FAM47E: variants seen among roughly 807,000 people sequenced by gnomAD.
FAM47E encodes the protein family with sequence similarity 47 member E, also known as protein FAM47E.
FAM47E carries 32 observed loss-of-function variants against 41.6 expected under a neutral mutation model. That is an observed-to-expected ratio of 0.77 (90% CI 0.58 to 1.03). The LOEUF is 1.03. Among genes scored for constraint, FAM47E ranks in the 50% least tolerant of loss-of-function variants. FAM47E has a pLI of 0.00. For missense variants in FAM47E, 424 were observed against 485.4 expected (o/e 0.87, Z 1.19); for synonymous variants, 184 against 188.7 (o/e 0.98, Z 0.20).
At chr4:76,271,949 T>C (rs1734910653) in intron 5 of FAM47E, among the ~76,000 whole-genome samples, 181 bp downstream of exon 5, 1 of 152,246 alleles carries the variant, frequency 6.6e-6, no homozygotes, top group Non-Finnish European at 1.5e-5. Context: ...AAGTCAGTTA[T>C]ACAAATGAGG....
chr4:76,228,360 T>C (rs973558536), intron 2 of FAM47E, among the ~76,000 whole-genome samples: 1 of 151,712 alleles, frequency 6.6e-6, no homozygotes. Flanking sequence ...ATGCCTGTAA[T>C]CCCAGCTACT....
At chr4:76,249,337 ATTTG>A (rs750411556), upstream of FAM47E, among the ~76,000 whole-genome samples, 1 of 152,124 alleles carries the variant, frequency 6.6e-6, no homozygotes, top group Non-Finnish European at 1.5e-5. Flanking sequence ...TTTATTTATT[ATTTG>A]TTTGTTTATT....
chr4:76,238,966 T>G (rs915128294), intron 2 of FAM47E, among the ~76,000 whole-genome samples: 1 of 152,200 alleles, frequency 6.6e-6, no homozygotes, highest in African/African-American at 2.4e-5. Flanking sequence ...TCTAAGTACC[T>G]CATATAGGTG....
chr4:76,262,317 A>G (rs1200908709), intron 2 of FAM47E, among the ~76,000 whole-genome samples: 2 of 152,220 alleles, frequency 1.3e-5, no homozygotes, highest in Non-Finnish European at 2.9e-5. Context: ...ATGATCATAA[A>G]TGCCTGCCAG....
intron 3 of FAM47E, among the ~76,000 whole-genome samples, chr4:76,265,905 C>T (rs1255196522): frequency 1.3e-5 from 2 of 152,152 alleles, no homozygotes; most frequent in Non-Finnish European, 2.9e-5. Flanking sequence ...TCTGTCCTTT[C>T]CTTTAGAGCA....
intron 6 of FAM47E, chr4:76,279,473 A>G (rs770261615): frequency 6.6e-6 from 1 of 152,366 alleles, no homozygotes; most frequent in East Asian, 1.9e-4. Context: ...ACAGTGAGCT[A>G]ATAAAGTAGC....
intron 2 of FAM47E, among the ~76,000 whole-genome samples, chr4:76,226,651 G>A (rs1467516099): frequency 6.6e-6 from 1 of 152,134 alleles, no homozygotes; most frequent in Non-Finnish European, 1.5e-5. Context: ...CGTTATGTCA[G>A]ACAAACAAGC....
rs143969036 is a variant in FAM47E, at chr4:76,258,683, C to T, written c.420+2160C>T. Among the ~76,000 whole-genome samples the T allele has an allele frequency of 5.9e-4, 90 of 152,254 alleles. 1 individual carries two copies. Among genetic ancestry groups the T allele is most frequent in the African/African-American group, 2.0e-3 (82 of 41,554 alleles). On this transcript the variant is annotated intron_variant, in intron 2 of 7. Coordinates refer to ENST00000424749, the MANE Select transcript of FAM47E (RefSeq NM_001136570.3). ...AAGACATAGTCCCAAACATCATAATCGTGAATGTTGAGATCCCCAAAGTCT... is the reference window on the plus strand; with the variant it reads ...AAGACATAGTCCCAAACATCATAATTGTGAATGTTGAGATCCCCAAAGTCT...
chr4:76,214,172 G>C (rs1733150596), exon 1 of FAM47E: 1 of 452,636 alleles, frequency 2.2e-6, no homozygotes, highest in Non-Finnish European at 4.4e-6. Context: ...AAGGTGGCTG[G>C]GACATTCCCC....
At chr4:76,274,952 G>T (rs2110023557) in intron 5 of FAM47E, among the ~76,000 whole-genome samples, 1 of 152,262 alleles carries the variant, frequency 6.6e-6, no homozygotes, top group East Asian at 1.9e-4. Context: ...CTCCTCCTGG[G>T]CTCTCCCTGA....
rs1735210207 is a variant in FAM47E at position 76,278,241 on chromosome 4, AGATTTGATCATCTG to A, written c.1026+18_1026+31del. 2 of 1,503,150 alleles carry A rather than the reference AGATTTGATCATCTG, an allele frequency of 1.3e-6. No homozygotes were observed. Among genetic ancestry groups the A allele is most frequent in the African/African-American group, 2.8e-5 (2 of 70,650 alleles). 93.1% of individuals were successfully genotyped at this position (1,503,150 alleles called of 1,614,324 possible). Reference sequence around the variant, plus strand: ...CAGGAACAGGTATGTATTTATACTGAGATTTGATCATCTGAGCTTCAGATGATCACAGTGCATCT... The same window carrying A: ...CAGGAACAGGTATGTATTTATACTGAAGCTTCAGATGATCACAGTGCATCT... On this transcript the variant is annotated intron_variant, in intron 6 of 7. Coordinates refer to ENST00000424749, the MANE Select transcript of FAM47E (RefSeq NM_001136570.3).
At chr4:76,260,038 A>G (rs935256707) in intron 2 of FAM47E, among the ~76,000 whole-genome samples, 6 of 152,230 alleles carry the variant, frequency 3.9e-5, no homozygotes, top group Non-Finnish European at 8.8e-5. Context: ...GGGGAACTAC[A>G]AAACACTGAT....
Position 76,235,687 on chromosome 4 carries a change from A to C in FAM47E, c.81+17999A>C, listed in dbSNP as rs72858541. Among the ~76,000 whole-genome samples the C allele has an allele frequency of 9.5e-3, 1,447 of 152,332 alleles. 25 individuals carry two copies. The highest frequency in any genetic ancestry group is 0.033 in the African/African-American group (1,372 of 41,576). On this transcript the variant is annotated intron_variant, in intron 2 of 7. Transcript: ENST00000510197. ...GGTGTTTTTCATTCTCATATTACCA[A>C]CTTAAGACCATATGCTGCTGTTTCA...
chr4:76,274,380 C>T (rs116160938), intron 5 of FAM47E, among the ~76,000 whole-genome samples: 186 of 151,712 alleles, frequency 1.2e-3, no homozygotes, highest in Middle Eastern at 6.8e-3. Context: ...AAGATCAGTT[C>T]GGGCAACATA....
At chr4:76,240,214 A>T (rs779848688) in intron 2 of FAM47E, among the ~76,000 whole-genome samples, 1 of 152,212 alleles carries the variant, frequency 6.6e-6, no homozygotes, top group Non-Finnish European at 1.5e-5. Flanking sequence ...TTAGCACTTT[A>T]TATCAGCCTA....
intron 7 of FAM47E, 72 bp downstream of exon 7, chr4:76,280,413 T>G: frequency 2.2e-6 from 2 of 895,978 alleles, no homozygotes; most frequent in Non-Finnish European, 1.7e-6. Flanking sequence ...GGGAAGAGGT[T>G]ATGACCCTGA....
intron 1 of FAM47E, among the ~76,000 whole-genome samples, chr4:76,214,930 T>C (rs972014155): frequency 2.0e-5 from 3 of 152,020 alleles, no homozygotes; most frequent in African/African-American, 7.2e-5. Context: ...GGAAGGAAGG[T>C]TGGGTGGAAG....
In FAM47E at chr4:76,251,797, C is replaced by G; in HGVS notation, c.51C>G (p.Arg17=). The G allele has an allele frequency of 6.7e-7, 1 of 1,488,822 alleles. No individual in the cohort carries two copies. The highest frequency in any genetic ancestry group is 8.9e-7 in the Non-Finnish European group (1 of 1,125,570). 92.2% of individuals were successfully genotyped at this position (1,488,822 alleles called of 1,614,324 possible). ...GGCCGGGGACGTTGGCCCCGGTGCGCGAGGGCGTGAACTGCAGGTCCAGGT... is the reference window on the plus strand; with the variant it reads ...GGCCGGGGACGTTGGCCCCGGTGCGGGAGGGCGTGAACTGCAGGTCCAGGT... ...RLRPGTLAPV[R]EGVNCRSRCF... Residue 17 remains arginine, a synonymous_variant, in exon 1 of 8, where the codon CGC becomes CGG. Coordinates refer to ENST00000424749, the MANE Select transcript of FAM47E (RefSeq NM_001136570.3).
At chr4:76,224,306 C>T (rs554543337) in intron 2 of FAM47E, among the ~76,000 whole-genome samples, 1 of 152,286 alleles carries the variant, frequency 6.6e-6, no homozygotes, top group African/African-American at 2.4e-5. Context: ...AATAAAACTT[C>T]TCATATCTTT....
Sources: allele counts gnomAD v4.1 joint callset (sites outside exome capture counted in the v4.1 genomes callset), GRCh38; gene constraint gnomAD v4.1.1; transcripts MANE v1.5; gene names NCBI Gene and HGNC (gene_info 2026-07-23, HGNC 2026-07-21).